The following NPAS3 variants were observed in gnomAD, a reference collection of about 807,000 sequenced individuals.
The protein encoded by NPAS3 is neuronal PAS domain-containing protein 3.
A neutral mutation model predicts 73.1 loss-of-function variants in NPAS3; 14 were observed. The ratio of observed to expected loss-of-function variants is 0.19; its 90% confidence interval spans 0.13 to 0.30. The LOEUF (loss-of-function observed/expected upper bound fraction) is 0.30. Among genes scored for constraint, NPAS3 ranks in the 10% least tolerant of loss-of-function variants. NPAS3 has a pLI of 1.00. For synonymous variants in NPAS3, 620 were observed against 541.5 expected (o/e 1.14, Z -2.01); for missense variants, 1,096 against 1,250.0 (o/e 0.88, Z 1.86).
intron 6 of NPAS3, among the ~76,000 whole-genome samples, chr14:33,729,329 A>G (rs1423771777): frequency 6.6e-6 from 1 of 152,202 alleles, no homozygotes. Context: ...CGTATCCAAA[A>G]AAGGCTATGA....
rs145808022 is a variant in NPAS3 at position 33,743,721 on chromosome 14, A to G, written c.852+8389A>G. On this transcript the variant is annotated intron_variant, in intron 7 of 11. Coordinates refer to ENST00000356141, the Ensembl canonical transcript of NPAS3. ...TTCTTCCAACAGAAGGCTGTTTTGT[A>G]TCCATTAACAATCTGTTGTTTAATG... Among the ~76,000 whole-genome samples the G allele has an allele frequency of 8.0e-3, 1,214 of 152,332 alleles. 15 individuals carry two copies. Among genetic ancestry groups the G allele is most frequent in the African/African-American group, 0.027 (1,136 of 41,582 alleles).
chr14:33,702,691 T>C (rs1225604680), intron 6 of NPAS3, among the ~76,000 whole-genome samples: 1 of 152,114 alleles, frequency 6.6e-6, no homozygotes. Context: ...GTTCTAGATA[T>C]GTATGTGGAA....
At chr14:33,052,600 C>T (rs924321775) in intron 1 of NPAS3, among the ~76,000 whole-genome samples, 2 of 152,206 alleles carry the variant, frequency 1.3e-5, no homozygotes, top group African/African-American at 4.8e-5. Context: ...GTTTGTCCCT[C>T]ACTACCAGGT....
intron 2 of NPAS3, among the ~76,000 whole-genome samples, chr14:33,084,976 A>G (rs961321142): frequency 3.2e-4 from 49 of 152,228 alleles, no homozygotes; most frequent in African/African-American, 1.2e-3. Flanking sequence ...GGTGTTTCAT[A>G]GTAGCCAAAC....
At chr14:33,570,896 T>G (rs2056181717) in intron 5 of NPAS3, among the ~76,000 whole-genome samples, 1 of 152,174 alleles carries the variant, frequency 6.6e-6, no homozygotes, top group Non-Finnish European at 1.5e-5. Flanking sequence ...CAGACAATCC[T>G]GAATCATGAT....
intron 6 of NPAS3, among the ~76,000 whole-genome samples, chr14:33,720,143 C>T (rs2061066447): frequency 6.6e-6 from 1 of 152,128 alleles, no homozygotes; most frequent in African/African-American, 2.4e-5. Context: ...CCCTTTTGTG[C>T]TGAGTGATTC....
intron 2 of NPAS3, among the ~76,000 whole-genome samples, chr14:33,076,175 G>A (rs1324864055): frequency 1.3e-5 from 2 of 152,138 alleles, no homozygotes; most frequent in Admixed American, 1.3e-4. Flanking sequence ...AACAAAGGTT[G>A]ATAAGGAAAA....
At chr14:33,403,620 A>G (rs2047539017) in intron 4 of NPAS3, among the ~76,000 whole-genome samples, 1 of 152,148 alleles carries the variant, frequency 6.6e-6, no homozygotes, top group Non-Finnish European at 1.5e-5. Flanking sequence ...TAAATGATTC[A>G]GTAAAATAAT....
intron 7 of NPAS3, among the ~76,000 whole-genome samples, chr14:33,746,902 A>AC: frequency 4.3e-5 from 2 of 46,410 alleles, no homozygotes; most frequent in Admixed American, 4.2e-4. Context: ...CCGTCCCCCC[A>AC]CCCCACCACA....
At chr14:33,470,608 G>A (rs1271135395) in intron 4 of NPAS3, among the ~76,000 whole-genome samples, 1 of 152,078 alleles carries the variant, frequency 6.6e-6, no homozygotes, top group African/African-American at 2.4e-5. Flanking sequence ...TTTAGAGGTG[G>A]GAATTCCCTA....
intron 4 of NPAS3, among the ~76,000 whole-genome samples, chr14:33,437,479 C>T (rs772731632): frequency 3.3e-5 from 5 of 152,096 alleles, no homozygotes; most frequent in Non-Finnish European, 5.9e-5. Flanking sequence ...AGTTTTCTAC[C>T]ATCTGGATTC....
At chr14:33,132,474 T>C (rs957650215) in intron 2 of NPAS3, among the ~76,000 whole-genome samples, 1 of 152,112 alleles carries the variant, frequency 6.6e-6, no homozygotes, top group Non-Finnish European at 1.5e-5. Flanking sequence ...ATAATGAGAC[T>C]ACAAGTTTGG....
chr14:33,331,781 TCA>T (rs1204711065), intron 3 of NPAS3, among the ~76,000 whole-genome samples: 3 of 152,334 alleles, frequency 2.0e-5, no homozygotes, highest in East Asian at 1.9e-4. Context: ...GAGAGACTTT[TCA>T]CAGTTTTCTT....
chr14:33,695,116 C>T (rs149006814), intron 6 of NPAS3, among the ~76,000 whole-genome samples: 131 of 152,298 alleles, frequency 8.6e-4, no homozygotes, highest in African/African-American at 3.0e-3. Flanking sequence ...GCGATGACCT[C>T]ACAGAACCAC....
chr14:33,207,609 A>C (rs1397810296), intron 2 of NPAS3, among the ~76,000 whole-genome samples: 2 of 152,198 alleles, frequency 1.3e-5, no homozygotes, highest in East Asian at 3.9e-4. Context: ...AGCCATTCAC[A>C]CTTAATTCTG....
intron 5 of NPAS3, among the ~76,000 whole-genome samples, chr14:33,657,939 C>CT (rs1458482955): frequency 6.6e-6 from 1 of 152,194 alleles, no homozygotes; most frequent in Non-Finnish European, 1.5e-5. Context: ...TCGCCACTTA[C>CT]TCCAAGCGCA....
chr14:33,372,792 A>G (rs934594352), intron 4 of NPAS3, among the ~76,000 whole-genome samples: 1 of 152,136 alleles, frequency 6.6e-6, no homozygotes, highest in Non-Finnish European at 1.5e-5. Context: ...GAAGAATGGG[A>G]AGTCAAGGGG....
chr14:33,004,087 T>C lies in NPAS3; in HGVS notation c.51-51818T>C, dbSNP rs148727480. ...AATCATTATTAGGGGTGTGTAAAGA[T>C]TAAATGAATTATTAATAGTGTGAAG... On this transcript the variant is annotated intron_variant, in intron 1 of 11. Transcript: ENST00000356141. Among the ~76,000 whole-genome samples, 27 of 152,280 alleles carry C rather than the reference T, an allele frequency of 1.8e-4. No homozygotes were observed. The East Asian group carries it at 5.2e-3, about 29-fold the overall frequency.
chr14:33,776,674 G>T (rs1366683738), intron 8 of NPAS3, among the ~76,000 whole-genome samples: 1 of 151,630 alleles, frequency 6.6e-6, no homozygotes, highest in Non-Finnish European at 1.5e-5. Context: ...TTTGATCTGA[G>T]GAAAAGCATA....
Sources: allele counts gnomAD v4.1 joint callset (sites outside exome capture counted in the v4.1 genomes callset), GRCh38; gene constraint gnomAD v4.1.1; transcripts MANE v1.5; gene names NCBI Gene and HGNC (gene_info 2026-07-23, HGNC 2026-07-21).